Variants in STRADA observed in about 807,000 individuals in gnomAD.
STRADA encodes the protein STE20-related kinase adapter protein alpha.
A neutral mutation model predicts 55.0 loss-of-function variants in STRADA; 26 were observed. That is an observed-to-expected ratio of 0.47 (90% CI 0.35 to 0.66). The LOEUF is 0.66. Among genes scored for constraint, STRADA ranks in the 30% least tolerant of loss-of-function variants. The pLI, the probability that STRADA is intolerant of heterozygous loss-of-function variation, is 0.01. For synonymous variants in STRADA, 197 were observed against 210.9 expected (o/e 0.93, Z 0.57); for missense variants, 443 against 549.7 (o/e 0.81, Z 1.94).
At chr17:63,720,966 CAT>C (rs1330217423) in intron 4 of STRADA, among the ~76,000 whole-genome samples, 1 of 150,734 alleles carries the variant, frequency 6.6e-6, no homozygotes, top group African/African-American at 2.4e-5. Flanking sequence ...TGTGGTGGCA[CAT>C]GTCTGTAATC....
chr17:63,737,703 C>A (rs1222933011), intron 1 of STRADA, among the ~76,000 whole-genome samples: 1 of 152,160 alleles, frequency 6.6e-6, no homozygotes, highest in Admixed American at 6.5e-5. Flanking sequence ...TAGAGGGATT[C>A]AACTATCAAA....
rs557185960 is a variant in STRADA at position 63,733,559 on chromosome 17, CAGA to C, written c.-44-5149_-44-5147del. On this transcript the variant is annotated intron_variant, in intron 1 of 12. Transcript: ENST00000336174. ...ATAGTATTTACAGACTGGGATTCTG[CAGA>C]AGAAGGGTTAATATAGCAGGCCTAA... 2.5e-4 allele frequency among the ~76,000 whole-genome samples: 38 copies of C among 152,266 alleles called. 1 individual carries two copies. The South Asian group carries it at 7.9e-3, about 32-fold the overall frequency.
At chr17:63,715,246 T>G (rs2036781671) in intron 4 of STRADA, 1 of 152,164 alleles carries the variant, frequency 6.6e-6, no homozygotes, top group African/African-American at 2.4e-5. Flanking sequence ...CACTTCCAAA[T>G]TGCACATGAT....
chr17:63,717,466 C>T (rs1273481873), intron 4 of STRADA, among the ~76,000 whole-genome samples: 1 of 151,982 alleles, frequency 6.6e-6, no homozygotes, highest in Non-Finnish European at 1.5e-5. Flanking sequence ...AACCACCATG[C>T]CCGGCTAAGT....
intron 4 of STRADA, among the ~76,000 whole-genome samples, chr17:63,716,727 A>G (rs1356272932): frequency 2.0e-5 from 3 of 152,242 alleles, no homozygotes; most frequent in Admixed American, 2.0e-4. Context: ...GTGTACGTCC[A>G]TATTAAAGGC....
intron 4 of STRADA, among the ~76,000 whole-genome samples, chr17:63,720,040 G>A (rs181971643): frequency 7.6e-6 from 1 of 131,236 alleles, no homozygotes; most frequent in Admixed American, 7.8e-5. Context: ...TTTTTTTTTT[G>A]AGACAGGGTC....
chr17:63,712,690 A>G (rs1006616972), intron 6 of STRADA: 1 of 151,986 alleles, frequency 6.6e-6, no homozygotes, highest in Non-Finnish European at 1.5e-5. Context: ...CCAGGGCAAT[A>G]AAATGAGACC....
At chr17:63,739,902 G>T (rs1282850001) in intron 1 of STRADA, among the ~76,000 whole-genome samples, 1 of 145,310 alleles carries the variant, frequency 6.9e-6, no homozygotes, top group Non-Finnish European at 1.5e-5. Context: ...CGGGCCTGGG[G>T]AGATGGAATC....
intron 4 of STRADA, among the ~76,000 whole-genome samples, chr17:63,722,955 T>G (rs909237355): frequency 2.0e-5 from 3 of 152,186 alleles, no homozygotes; most frequent in Admixed American, 6.6e-5. Context: ...GACGGAAAAT[T>G]TAATAACATT....
chr17:63,706,748 G>T lies in STRADA; in HGVS notation c.754-9C>A. ...TCATAACCCTGGAGATTCTAAGCCA[G>T]AAAAAAAAGGCCACAGATTACCCCA... On this transcript the variant is annotated splice_polypyrimidine_tract_variant and intron_variant, in intron 9 of 12. Coordinates refer to ENST00000336174, the MANE Select transcript of STRADA (RefSeq NM_001003787.4). 6.3e-7 allele frequency: 1 copy of T among 1,599,854 alleles called. No individual in the cohort carries two copies. The highest frequency in any genetic ancestry group is 1.1e-5 in the South Asian group (1 of 89,668).
chr17:63,733,073 A>G (rs1325457746), intron 1 of STRADA, among the ~76,000 whole-genome samples: 3 of 152,192 alleles, frequency 2.0e-5, no homozygotes, highest in African/African-American at 7.2e-5. Context: ...TATTTTTAGT[A>G]GAGACAGGGT....
intron 1 of STRADA, among the ~76,000 whole-genome samples, chr17:63,738,989 A>C (rs542077875): frequency 2.0e-5 from 3 of 151,746 alleles, no homozygotes; most frequent in African/African-American, 7.3e-5. Context: ...ATCTCTACTA[A>C]AATTACAAAA....
chr17:63,740,145 TATACACACACACAC>T (rs1327224127), intron 1 of STRADA, among the ~76,000 whole-genome samples: 1 of 42,888 alleles, frequency 2.3e-5, no homozygotes, highest in Non-Finnish European at 4.5e-5. Flanking sequence ...CATATATATA[TATACACACACACAC>T]ACACACACAC....
chr17:63,731,255 CCTTT>C (rs561839993), intron 1 of STRADA, among the ~76,000 whole-genome samples: 1 of 109,498 alleles, frequency 9.1e-6, no homozygotes, highest in Non-Finnish European at 1.8e-5. Flanking sequence ...GATATTCTTT[CCTTT>C]TTTTTTTTTT....
At chr17:63,714,268 A>C (rs1476002804) in intron 4 of STRADA, 160 bp from the exon 5 acceptor site, 2 of 631,880 alleles carry the variant, frequency 3.2e-6, no homozygotes, top group African/African-American at 1.8e-5. Context: ...AAAACACTAC[A>C]TTCAGGGTAG....
At chr17:63,729,617 T>C (rs60094008) in intron 1 of STRADA, among the ~76,000 whole-genome samples, 2,288 of 151,888 alleles carry the variant, frequency 0.015, 60 homozygotes, top group African/African-American at 0.052. Context: ...AAACCCTGTC[T>C]CTACTAAAAA....
intron 1 of STRADA, chr17:63,737,290 AG>A (rs1445294966): frequency 1.4e-5 from 2 of 142,610 alleles, no homozygotes; most frequent in Non-Finnish European, 3.1e-5. Context: ...GAGATAGTTC[AG>A]CAAGGAATGA....
intron 1 of STRADA, chr17:63,741,240 C>A (rs1171793237): frequency 6.6e-6 from 1 of 152,172 alleles, no homozygotes; most frequent in Non-Finnish European, 1.5e-5. Flanking sequence ...CCTGCAGGCA[C>A]CCAAAAAACA....
intron 4 of STRADA, among the ~76,000 whole-genome samples, chr17:63,716,606 T>A (rs1286696755): frequency 6.6e-6 from 1 of 152,086 alleles, no homozygotes; most frequent in Non-Finnish European, 1.5e-5. Flanking sequence ...CAGTGCAGGA[T>A]TTCCCCAAAG....
Sources: gnomAD v4.1 joint callset for allele counts (sites outside exome capture counted in the v4.1 genomes callset) on GRCh38, gnomAD v4.1.1 for gene constraint, MANE v1.5 for transcripts, NCBI Gene and HGNC (gene_info 2026-07-23, HGNC 2026-07-21) for gene names.